COL5A1: variants seen among roughly 807,000 people sequenced by gnomAD.
The protein encoded by COL5A1 is collagen type V alpha 1 chain, also known as collagen alpha-1(V) chain.
In COL5A1, 16 loss-of-function variants were observed where a neutral mutation model predicts 263.7. That is an observed-to-expected ratio of 0.06 (90% confidence interval 0.04 to 0.09). The LOEUF is 0.09. Among genes scored for constraint, COL5A1 ranks in the 10% least tolerant of loss-of-function variants. COL5A1 has a pLI of 1.00. For missense variants in COL5A1, 2,036 were observed against 2,540.5 expected (o/e 0.80, Z 4.27); for synonymous variants, 1,012 against 1,004.5 (o/e 1.01, Z -0.14).
intron 19 of COL5A1, among the ~76,000 whole-genome samples, chr9:134,762,628 C>T (rs1207574486): frequency 6.6e-6 from 1 of 152,212 alleles, no homozygotes; most frequent in East Asian, 1.9e-4. Context: ...AAGCTCTTCC[C>T]TGCAGGCACC....
chr9:134,754,390 G>T lies in COL5A1; in HGVS notation c.1827+64G>T. 1 of 1,591,422 alleles carries T rather than the reference G, an allele frequency of 6.3e-7. No individual in the cohort carries two copies. Among genetic ancestry groups the T allele is most frequent in the Non-Finnish European group, 8.6e-7 (1 of 1,160,250 alleles). ...TTGGGCGCTGGAGGAGCCCAAATCT[G>T]GGGTGCGGGCACCCCCAACAGCCAG... On this transcript the variant is annotated intron_variant, in intron 16 of 65. Transcript: ENST00000371817. The surrounding 1 kb of genome is among the most constrained non-coding windows in gnomAD (Gnocchi z 4.3).
At position 134,824,359 on chromosome 9, in the gene COL5A1, A is replaced by G. The variant is rs181536557; in HGVS notation, c.4699-241A>G. ...CTGCAAACTGTTAAGTTTCAGCTCTAGAGAGAAAGGAGAGGTGCTCCATGC... is the reference window on the plus strand; with the variant it reads ...CTGCAAACTGTTAAGTTTCAGCTCTGGAGAGAAAGGAGAGGTGCTCCATGC... On this transcript the variant is annotated intron_variant, in intron 61 of 65. Coordinates refer to ENST00000371817, the MANE Select transcript of COL5A1 (RefSeq NM_000093.5). Among the ~76,000 whole-genome samples, 504 of 152,344 alleles carry G rather than the reference A, an allele frequency of 3.3e-3. 14 individuals are homozygous for G. Among genetic ancestry groups the G allele is most frequent in the Admixed American group, 0.029 (442 of 15,300 alleles).
In COL5A1 at chr9:134,789,700, G is replaced by A. The variant is rs1837601718; in HGVS notation, c.2700+492G>A. On this transcript the variant is annotated intron_variant, in intron 32 of 65. Transcript: ENST00000371817. This position sits in a 1 kb window ranked among gnomAD's most constrained non-coding sequence, Gnocchi z 4.8. Reference sequence around the variant, plus strand: ...TGTCATAAACACCCACCAGCTTGCAGTGTGGTTTGAGTCCCCTTTGTCCTC... The same window carrying A: ...TGTCATAAACACCCACCAGCTTGCAATGTGGTTTGAGTCCCCTTTGTCCTC... 6.6e-6 allele frequency among the ~76,000 whole-genome samples: 1 copy of A among 152,236 alleles called. No individual in the cohort carries two copies.
intron 30 of COL5A1, 42 bp downstream of exon 30, chr9:134,785,138 C>T: frequency 6.6e-7 from 1 of 1,508,146 alleles, no homozygotes; most frequent in Non-Finnish European, 9.2e-7. Context: ...TGGGAGGGAT[C>T]TGACAGGCCC....
intron 13 of COL5A1, among the ~76,000 whole-genome samples, chr9:134,751,620 G>T (rs2132685067): frequency 7.8e-6 from 1 of 127,870 alleles, no homozygotes; most frequent in African/African-American, 2.9e-5. Flanking sequence ...CTTGGCTCCG[G>T]ATTGCTGATT....
chr9:134,649,497 C>G (rs1831594603), intron 1 of COL5A1: 2 of 471,188 alleles, frequency 4.2e-6, no homozygotes, highest in Non-Finnish European at 8.8e-6. Flanking sequence ...TTTCCTAGAC[C>G]CGTGTTCTTG....
At chr9:134,729,805 A>T (rs1383643008) in intron 6 of COL5A1, among the ~76,000 whole-genome samples, 1 of 133,902 alleles carries the variant, frequency 7.5e-6, no homozygotes, top group Non-Finnish European at 1.6e-5. Flanking sequence ...AGCGTGTGTG[A>T]GCGTGTGTGC....
chr9:134,681,042 C>T lies in COL5A1; in HGVS notation c.110-9870C>T, dbSNP rs1309873710. ...CCCTCTGTGCATTTCCCACCCCCTG[C>T]CCCTTTGCTTTGCTCCCTGGTTTAG... On this transcript the variant is annotated intron_variant, in intron 1 of 65. Transcript: ENST00000371817. This position sits in a 1 kb window ranked among gnomAD's most constrained non-coding sequence, Gnocchi z 4.3. Among the ~76,000 whole-genome samples the T allele has an allele frequency of 5.3e-5, 8 of 152,194 alleles. No individual in the cohort carries two copies.
chr9:134,825,940 C>A, intron 63 of COL5A1, 36 bp downstream of exon 63: 2 of 1,402,922 alleles, frequency 1.4e-6, no homozygotes, highest in Non-Finnish European at 2.0e-6. Flanking sequence ...CCCAGCGGGG[C>A]AGGCGTCACA....
At chr9:134,692,177 G>A (rs1240376588) in intron 2 of COL5A1, among the ~76,000 whole-genome samples, 2 of 152,194 alleles carry the variant, frequency 1.3e-5, no homozygotes, top group Non-Finnish European at 2.9e-5. Flanking sequence ...GAGGCACCGA[G>A]TCTCTGCCTT....
At chr9:134,676,875 C>A (rs1832700051) in intron 1 of COL5A1, among the ~76,000 whole-genome samples, 1 of 152,202 alleles carries the variant, frequency 6.6e-6, no homozygotes, top group Non-Finnish European at 1.5e-5. Context: ...CATTGGCTGG[C>A]TTCCTCCTTC....
chr9:134,771,488 C>A (rs549134355), intron 25 of COL5A1, among the ~76,000 whole-genome samples: 415 of 152,332 alleles, frequency 2.7e-3, no homozygotes, highest in African/African-American at 9.5e-3. Context: ...TCAAGGGGAA[C>A]TTTGCGCCCT....
chr9:134,834,000 A>T (rs1839751747), intron 64 of COL5A1, among the ~76,000 whole-genome samples: 1 of 152,094 alleles, frequency 6.6e-6, no homozygotes. Context: ...GACCCAAAGG[A>T]CAGCAGTGGG....
At chr9:134,811,671 C>T (rs996111528) in intron 46 of COL5A1, 72 bp downstream of exon 46, 1 of 1,275,698 alleles carries the variant, frequency 7.8e-7, no homozygotes, top group Non-Finnish European at 1.1e-6. Flanking sequence ...TGTGCTCTCT[C>T]CTCTTGTCTT....
intron 1 of COL5A1, among the ~76,000 whole-genome samples, chr9:134,684,205 A>G (rs1832943153): frequency 6.6e-6 from 1 of 152,198 alleles, no homozygotes; most frequent in South Asian, 2.1e-4. Context: ...GAGCCCTCGG[A>G]GGAGTGCTCG....
chr9:134,731,429 G>T, intron 7 of COL5A1, 67 bp from the exon 8 acceptor site: 1 of 1,543,486 alleles, frequency 6.5e-7, no homozygotes, highest in Non-Finnish European at 8.9e-7. Flanking sequence ...GCCCGCCCAG[G>T]GCCTGATGGA....
intron 36 of COL5A1, among the ~76,000 whole-genome samples, chr9:134,797,682 C>T (rs947618374): frequency 2.6e-5 from 4 of 152,136 alleles, no homozygotes; most frequent in African/African-American, 9.7e-5. Flanking sequence ...GGGGTTTCAC[C>T]GTGTTGGCCA....
In COL5A1 at chr9:134,814,783, C is replaced by T; in HGVS notation, c.3907-14C>T. 6.5e-7 allele frequency: 1 copy of T among 1,544,782 alleles called. No individual in the cohort carries two copies. Among genetic ancestry groups the T allele is most frequent in the African/African-American group, 1.4e-5 (1 of 73,022 alleles). Reference sequence around the variant, plus strand: ...GTTGGCTCTGAGGACTTGACACTGGCCTCTTTCCTCCAGGGACCCAAAGGA... The same window carrying T: ...GTTGGCTCTGAGGACTTGACACTGGTCTCTTTCCTCCAGGGACCCAAAGGA... On this transcript the variant is annotated splice_polypyrimidine_tract_variant and intron_variant, in intron 49 of 65. Coordinates refer to ENST00000371817, the MANE Select transcript of COL5A1 (RefSeq NM_000093.5).
At chr9:134,694,669 T>A (rs1165000692) in intron 2 of COL5A1, among the ~76,000 whole-genome samples, 1 of 152,200 alleles carries the variant, frequency 6.6e-6, no homozygotes, top group African/African-American at 2.4e-5. Context: ...GAGCCACGGT[T>A]GCTGACCGAT....
Sources: gnomAD v4.1 joint callset for allele counts (sites outside exome capture counted in the v4.1 genomes callset) on GRCh38, gnomAD v4.1.1 for gene constraint, Gnocchi (gnomAD v3.1) non-coding constraint, MANE v1.5 for transcripts, NCBI Gene and HGNC (gene_info 2026-07-23, HGNC 2026-07-21) for gene names.